The following TUBA1B variants were observed in gnomAD, a reference collection of about 807,000 sequenced individuals.
The protein encoded by TUBA1B is tubulin alpha 1b.
TUBA1B carries 1 observed loss-of-function variant against 34.4 expected under a neutral mutation model. That is an observed-to-expected ratio of 0.03 (90% CI 0.01 to 0.14). The LOEUF (loss-of-function observed/expected upper bound fraction) is 0.14, where lower values mean the gene tolerates loss of function less well. TUBA1B is among the 10% of genes least tolerant of loss of function. The pLI, the probability that TUBA1B is intolerant of heterozygous loss-of-function variation, is 1.00. For missense variants in TUBA1B, 54 were observed against 583.6 expected, an observed-to-expected ratio of 0.09 and a Z score of 9.35; for synonymous variants, 197 against 212.5, an observed-to-expected ratio of 0.93 and a Z score of 0.64.
At chr12:49,131,111 G>C in intron 1 of TUBA1B, 187 bp downstream of exon 1, 1 of 614,190 alleles carries the variant, frequency 1.6e-6, no homozygotes, top group Non-Finnish European at 2.8e-6. Context: ...CGACCTTTCC[G>C]GGCCCCCGCT....
chr12:49,129,100 G>C, intron 3 of TUBA1B, 142 bp downstream of exon 3: 4 of 1,552,266 alleles, frequency 2.6e-6, no homozygotes, highest in Non-Finnish European at 3.5e-6. Flanking sequence ...GGGACTATCT[G>C]ATTTAGAAGT....
In TUBA1B at chr12:49,130,335, G is replaced by A. The variant is rs1298640280; in HGVS notation, c.4-613C>T. On this transcript the variant is annotated intron_variant, in intron 1 of 3. Transcript: ENST00000336023. ...AGAAATGTCTGTCCGCAGGGACAAG[G>A]GGCGGGGCTCTGCGGCACAGGATGA... The A allele has an allele frequency of 5.4e-6, 7 of 1,289,114 alleles. No individual in the cohort carries two copies. In the East Asian group the frequency reaches 3.3e-4, roughly 61 times the overall value. The allele number at this position is 1,289,114 out of a possible 1,614,324, so 79.9% of individuals were successfully genotyped here.
Position 49,127,874 on chromosome 12 carries a change from C to A in TUBA1B, c.*84G>T. The A allele has an allele frequency of 6.3e-7, 1 of 1,596,170 alleles. No individual in the cohort carries two copies. Among genetic ancestry groups the A allele is most frequent in the South Asian group, 1.1e-5 (1 of 89,192 alleles). ...TGATCACCAAGTGAAAACAATCTAA[C>A]CAGAAAGCTTTAACGTCTGTCAGTT... is the stretch of plus-strand genomic sequence containing the variant. On this transcript the variant is annotated 3_prime_UTR_variant, in exon 4 of 4. Transcript: ENST00000336023.
chr12:49,130,093 T>C, intron 1 of TUBA1B: 1 of 1,198,366 alleles, frequency 8.3e-7, no homozygotes, highest in Non-Finnish European at 1.1e-6. Flanking sequence ...TACACTATAG[T>C]CTACGTTGCT....
rs748954592 is a variant in TUBA1B, at chr12:49,129,597, C to T, written c.129G>A (p.Gly43=). 1.7e-5 allele frequency: 27 copies of T among 1,614,092 alleles called. No individual in the cohort carries two copies. The highest frequency in any genetic ancestry group is 2.2e-5 in the Non-Finnish European group (26 of 1,180,056). Residue 43 remains glycine, a synonymous_variant, in exon 2 of 4, where the codon GGG becomes GGA. Transcript: ENST00000336023. ...AGGTGTTGAAGGAGTCATCTCCTCC[C>T]CCAATGGTCTTGTCACTTGGCATCT... ...DGQMPSDKTI[G]GGDDSFNTFF... is the part of the protein sequence containing the mutation.
At chr12:49,129,887 C>A (rs1941781493) in intron 1 of TUBA1B, 165 bp from the exon 2 acceptor site, 2 of 1,241,104 alleles carry the variant, frequency 1.6e-6, no homozygotes, top group Non-Finnish European at 2.2e-6. Flanking sequence ...CTCCAGTCAT[C>A]CCCCCACCTC....
At chr12:49,130,394 C>G (rs1376901385) in intron 1 of TUBA1B, 6 of 1,280,360 alleles carry the variant, frequency 4.7e-6, no homozygotes, top group Middle Eastern at 4.4e-4. Context: ...CTTGCGCCCC[C>G]CGGCGGTGCT....
intron 1 of TUBA1B, chr12:49,130,520 G>A (rs1941791391): frequency 5.1e-6 from 2 of 388,584 alleles, no homozygotes; most frequent in African/African-American, 2.1e-5. Flanking sequence ...CGCAGTAGGA[G>A]ATTATCGGCG....
Position 49,130,186 on chromosome 12 carries a change from G to T in TUBA1B, c.4-464C>A, listed in dbSNP as rs1040646199. 3.2e-6 allele frequency: 4 copies of T among 1,250,746 alleles called. No individual in the cohort carries two copies. The African/African-American group carries it at 4.6e-5, about 14-fold the overall frequency. The allele number at this position is 1,250,746 out of a possible 1,614,324, so 77.5% of individuals were successfully genotyped here. On this transcript the variant is annotated intron_variant, in intron 1 of 3. Coordinates refer to ENST00000336023, the MANE Select transcript of TUBA1B (RefSeq NM_006082.3). ...AGCTCAGTCACAGCTTCCTCCTTTG[G>T]AGGACCAAGACAGGAAGGTGGGCAT...
intron 1 of TUBA1B, chr12:49,130,458 T>C (rs551900838): frequency 2.4e-6 from 2 of 844,578 alleles, no homozygotes; most frequent in Non-Finnish European, 3.4e-6. Flanking sequence ...CCGCCCATCC[T>C]CCCTTGCCTG....
Position 49,127,786 on chromosome 12 carries a change from G to C in TUBA1B, c.*172C>G. ...AAAAAACGCAGGAAACAAAGCTTTT[G>C]ATGTTAATGACTTTACTTTGAGATA... On this transcript the variant is annotated 3_prime_UTR_variant, in exon 4 of 4. Transcript: ENST00000336023. 9.4e-7 allele frequency: 1 copy of C among 1,058,374 alleles called. No individual in the cohort carries two copies. Among genetic ancestry groups the C allele is most frequent in the Non-Finnish European group, 1.4e-6 (1 of 737,032 alleles). The allele number at this position is 1,058,374 out of a possible 1,614,324, so 65.6% of individuals were successfully genotyped here.
chr12:49,131,287 G>T lies in TUBA1B; in HGVS notation c.3+11C>A. On this transcript the variant is annotated intron_variant, in intron 1 of 3. Coordinates refer to ENST00000336023, the MANE Select transcript of TUBA1B (RefSeq NM_006082.3). ...CCCTGAAAGCAGCCGGGAGCCGCAC[G>T]GCTTACTCACCATAGTGGCTAGGGA... is the stretch of plus-strand genomic sequence containing the variant. 6.2e-7 allele frequency: 1 copy of T among 1,610,200 alleles called. No individual in the cohort carries two copies. Among genetic ancestry groups the T allele is most frequent in the Non-Finnish European group, 8.5e-7 (1 of 1,178,436 alleles).
In TUBA1B at chr12:49,131,357, C is replaced by A. The variant is rs1205021445; in HGVS notation, c.-57G>T. On this transcript the variant is annotated 5_prime_UTR_variant, in exon 1 of 4. Transcript: ENST00000336023. Reference sequence around the variant, plus strand: ...GGAGCAGACACCGGGTCCCGGTTACCGTCCCCGACAAGCTAAGAGTCGAGG... The same window carrying A: ...GGAGCAGACACCGGGTCCCGGTTACAGTCCCCGACAAGCTAAGAGTCGAGG... 4 of 1,601,352 alleles carry A rather than the reference C, an allele frequency of 2.5e-6. No homozygotes were observed. Among genetic ancestry groups the A allele is most frequent in the East Asian group, 2.2e-5 (1 of 44,618 alleles).
At chr12:49,129,801 C>G (rs1386971994) in intron 1 of TUBA1B, 79 bp from the exon 2 acceptor site, 9 of 1,593,264 alleles carry the variant, frequency 5.6e-6, no homozygotes, top group Admixed American at 1.7e-5. Flanking sequence ...CTCATGCAAT[C>G]TTTATTTTTT....
rs565661777 is a variant in TUBA1B, at chr12:49,131,361, C to A, written c.-61G>T. On this transcript the variant is annotated 5_prime_UTR_variant, in exon 1 of 4. Transcript: ENST00000336023. ...CAGACACCGGGTCCCGGTTACCGTC[C>A]CCGACAAGCTAAGAGTCGAGGTAAG... 12 of 1,597,754 alleles carry A rather than the reference C, an allele frequency of 7.5e-6. No homozygotes were observed. The highest frequency in any genetic ancestry group is 6.7e-5 in the South Asian group (6 of 89,192).
At position 49,127,959 on chromosome 12, in the gene TUBA1B, T is replaced by C. The variant is rs756796588; in HGVS notation, c.1355A>G (p.Ter452=). Residue 452 remains the stop codon, a stop_retained_variant, in exon 4 of 4, where the codon TAA becomes TGA. Coordinates refer to ENST00000336023, the MANE Select transcript of TUBA1B (RefSeq NM_006082.3). ...TGCAGGGCCAAAAGGAATGGATAAT[T>C]AGTATTCCTCTCCTTCTTCCTCACC... The part of the protein sequence containing the change: ...GEGEEEGEEY[*] The C allele has an allele frequency of 4.3e-6, 7 of 1,614,022 alleles. No homozygotes were observed. The highest frequency in any genetic ancestry group is 5.9e-6 in the Non-Finnish European group (7 of 1,179,924).
Position 49,127,844 on chromosome 12 carries a change from A to G in TUBA1B, c.*114T>C. 6.7e-7 allele frequency: 1 copy of G among 1,487,150 alleles called. No homozygotes were observed. The highest frequency in any genetic ancestry group is 1.2e-5 in the South Asian group (1 of 80,804). The allele number at this position is 1,487,150 out of a possible 1,614,324, so 92.1% of individuals were successfully genotyped here. A position where few individuals can be genotyped will look rare whatever the true frequency, so the allele number is the denominator to read the frequency against. ...AAAATATTACAGGTACACATGGAAA[A>G]GACATGATCACCAAGTGAAAACAAT... On this transcript the variant is annotated 3_prime_UTR_variant, in exon 4 of 4. Transcript: ENST00000336023.
intron 3 of TUBA1B, 128 bp downstream of exon 3, chr12:49,129,114 A>G: frequency 6.4e-7 from 1 of 1,573,498 alleles, no homozygotes; most frequent in Non-Finnish European, 8.6e-7. Context: ...TAGAAGTCCA[A>G]TTAATATAGC....
At chr12:49,130,517 G>C (rs1347924087) in intron 1 of TUBA1B, 2 of 393,358 alleles carry the variant, frequency 5.1e-6, no homozygotes, top group African/African-American at 4.2e-5. Flanking sequence ...GAGCGCAGTA[G>C]GAGATTATCG....
Sources: allele counts gnomAD v4.1 joint callset, GRCh38; gene constraint gnomAD v4.1.1; transcripts MANE v1.5; gene names NCBI Gene and HGNC (gene_info 2026-07-23, HGNC 2026-07-21).